GRIK3: variants seen among roughly 807,000 people sequenced by gnomAD.
The protein encoded by GRIK3 is glutamate ionotropic receptor kainate type subunit 3.
In GRIK3, 29 loss-of-function variants were observed where a neutral mutation model predicts 102.5. The ratio of observed to expected loss-of-function variants is 0.28; its 90% CI spans 0.21 to 0.39. The LOEUF (loss-of-function observed/expected upper bound fraction) is 0.39. Ranked by LOEUF, GRIK3 falls within the 10% of genes least tolerant of loss-of-function variation. The probability of loss-of-function intolerance (pLI) is 1.00; values close to 1 mark genes in which losing one functional copy is unlikely to be tolerated. For missense variants in GRIK3, 908 were observed against 1,252.4 expected (o/e 0.73, Z 4.15); for synonymous variants, 511 against 504.9 (o/e 1.01, Z -0.16).
chr1:37,006,491 T>C (rs1642534618), intron 1 of GRIK3, among the ~76,000 whole-genome samples: 1 of 152,256 alleles, frequency 6.6e-6, no homozygotes, highest in Admixed American at 6.5e-5. Flanking sequence ...CCCTTGGAGC[T>C]TTCTTTAAAC....
At position 36,993,174 on chromosome 1, in the gene GRIK3, G is replaced by A. The variant is rs139874702; in HGVS notation, c.115+40820C>T. Among the ~76,000 whole-genome samples the A allele has an allele frequency of 3.3e-4, 50 of 152,262 alleles. 1 individual carries two copies. The East Asian group carries it at 9.3e-3, about 28-fold the overall frequency. ...GGGTGCCATGTGAATAGGTAGCGTGGGAGAGTGCTGGGACCTGATGCAAGA... is the reference window on the plus strand; with the variant it reads ...GGGTGCCATGTGAATAGGTAGCGTGAGAGAGTGCTGGGACCTGATGCAAGA... On this transcript the variant is annotated intron_variant, in intron 1 of 15. Transcript: ENST00000373091.
chr1:36,852,145 A>T (rs1471941292), intron 8 of GRIK3, among the ~76,000 whole-genome samples: 2 of 152,128 alleles, frequency 1.3e-5, no homozygotes, highest in Non-Finnish European at 2.9e-5. Context: ...TTAGGAGGGG[A>T]GGCCACAGCC....
chr1:37,030,678 C>A (rs1221394755), intron 1 of GRIK3, among the ~76,000 whole-genome samples: 5 of 152,036 alleles, frequency 3.3e-5, no homozygotes, highest in East Asian at 1.9e-4. Context: ...GCTTCCCCAG[C>A]TGCTGCCACC....
intron 1 of GRIK3, among the ~76,000 whole-genome samples, chr1:36,937,856 G>A (rs1334147999): frequency 6.6e-6 from 1 of 152,244 alleles, no homozygotes; most frequent in Non-Finnish European, 1.5e-5. Flanking sequence ...TAGTCAACCT[G>A]GAGGGCTCTC....
chr1:36,832,672 C>T (rs1367776856), intron 10 of GRIK3, among the ~76,000 whole-genome samples: 9 of 152,188 alleles, frequency 5.9e-5, no homozygotes, highest in African/African-American at 2.2e-4. Flanking sequence ...GAGAGGACAG[C>T]CCAATTTCTG....
chr1:36,833,370 G>A (rs1001099468), intron 10 of GRIK3, among the ~76,000 whole-genome samples: 2 of 152,144 alleles, frequency 1.3e-5, no homozygotes, highest in African/African-American at 2.4e-5. Context: ...CCCTAGCACC[G>A]ATAGCCCTCA....
chr1:36,868,586 G>A (rs1176540454), intron 5 of GRIK3, among the ~76,000 whole-genome samples: 1 of 152,238 alleles, frequency 6.6e-6, no homozygotes, highest in Non-Finnish European at 1.5e-5. Context: ...TCCCGTCACA[G>A]TGATTTCAAG....
At position 36,864,820 on chromosome 1, in the gene GRIK3, G is replaced by A. The variant is rs1489440850; in HGVS notation, c.787-4803C>T. ...ACAATGACAATGGGGAGCTGGTGAA[G>A]AGGCTCTTTTGTCCAGCTCCATTTT... On this transcript the variant is annotated intron_variant, in intron 5 of 15. Transcript: ENST00000373091. 2.0e-5 allele frequency among the ~76,000 whole-genome samples: 3 copies of A among 151,006 alleles called. No homozygotes were observed. In the East Asian group the frequency reaches 5.9e-4, roughly 30 times the overall value.
intron 10 of GRIK3, among the ~76,000 whole-genome samples, chr1:36,840,626 C>G (rs1640436568): frequency 6.6e-6 from 1 of 150,524 alleles, no homozygotes. Flanking sequence ...ACTCAGGAGA[C>G]TAAGGCAGGT....
intron 1 of GRIK3, among the ~76,000 whole-genome samples, chr1:37,022,230 G>A (rs932557218): frequency 3.3e-5 from 5 of 152,222 alleles, no homozygotes; most frequent in African/African-American, 4.8e-5. Flanking sequence ...CCTATGATGG[G>A]CAGCAGAGCA....
chr1:36,910,751 A>G (rs1354204841), intron 1 of GRIK3, among the ~76,000 whole-genome samples: 3 of 152,216 alleles, frequency 2.0e-5, no homozygotes, highest in Non-Finnish European at 4.4e-5. Context: ...ATTCATTCAT[A>G]TACTCATTAA....
At chr1:36,846,640 G>A (rs952961637) in intron 9 of GRIK3, among the ~76,000 whole-genome samples, 16 of 152,174 alleles carry the variant, frequency 1.1e-4, no homozygotes, top group African/African-American at 2.9e-4. Context: ...TTCAGGCTGC[G>A]AAGCATGGGG....
In GRIK3 at chr1:36,859,868, A is replaced by G. The variant is rs1381317949; in HGVS notation, c.936T>C (p.Ser312=). ...CCATCATCACTCCATCCAGCAGGCC[A>G]GACTCGGACCGGGGAGCTGCCTGCA... is the stretch of plus-strand genomic sequence containing the variant. ...ERLQAAPRSE[S]GLLDGVMMTD... The change falls in exon 6 of 16, where the codon TCT becomes TCC. Residue 312 remains serine (S), a synonymous_variant. Coordinates refer to ENST00000373091, the MANE Select transcript of GRIK3 (RefSeq NM_000831.4). The G allele has an allele frequency of 3.1e-6, 5 of 1,613,850 alleles. No individual in the cohort carries two copies. The highest frequency in any genetic ancestry group is 4.2e-6 in the Non-Finnish European group (5 of 1,179,892).
chr1:36,983,639 A>G (rs888351923), intron 1 of GRIK3, among the ~76,000 whole-genome samples: 3 of 152,090 alleles, frequency 2.0e-5, no homozygotes, highest in African/African-American at 7.2e-5. Flanking sequence ...CCTTGAATCC[A>G]TGCTCTTGAC....
intron 13 of GRIK3, among the ~76,000 whole-genome samples, chr1:36,814,823 C>T (rs1230459013): frequency 2.0e-5 from 3 of 152,104 alleles, no homozygotes; most frequent in Admixed American, 1.3e-4. Flanking sequence ...TCTCTGTACC[C>T]ATATACAGGT....
intron 1 of GRIK3, among the ~76,000 whole-genome samples, chr1:37,013,391 T>C (rs564994371): frequency 6.6e-6 from 1 of 152,344 alleles, no homozygotes; most frequent in East Asian, 1.9e-4. Flanking sequence ...CATCTTGTCC[T>C]CCAAACATCT....
At chr1:36,810,341 A>T (rs1428292563) in intron 13 of GRIK3, among the ~76,000 whole-genome samples, 1 of 152,134 alleles carries the variant, frequency 6.6e-6, no homozygotes, top group Non-Finnish European at 1.5e-5. Flanking sequence ...AACCTTAATA[A>T]AGATTGTTTC....
At chr1:36,860,145 A>G in intron 5 of GRIK3, 128 bp from the exon 6 acceptor site, 1 of 669,970 alleles carries the variant, frequency 1.5e-6, no homozygotes, top group Non-Finnish European at 2.6e-6. Flanking sequence ...AAAGCCCTGC[A>G]GAGGGGGTGC....
intron 2 of GRIK3, among the ~76,000 whole-genome samples, chr1:36,883,537 A>T (rs1641006475): frequency 6.6e-6 from 1 of 152,232 alleles, no homozygotes; most frequent in South Asian, 2.1e-4. Context: ...AGACCCAAGG[A>T]AGAGGCCCAC....
Sources: gnomAD v4.1 joint callset for allele counts (sites outside exome capture counted in the v4.1 genomes callset) on GRCh38, gnomAD v4.1.1 for gene constraint, MANE v1.5 for transcripts, NCBI Gene and HGNC (gene_info 2026-07-23, HGNC 2026-07-21) for gene names.